Variants in ADGRL2 observed in about 807,000 individuals in gnomAD.
The protein encoded by ADGRL2 is adhesion G protein-coupled receptor L2.
Under a neutral mutation model 157.4 loss-of-function variants are expected in ADGRL2, and 44 were observed. The observed-to-expected ratio is 0.28, with a 90% CI of 0.22 to 0.36. ADGRL2 has a LOEUF of 0.36. Among genes scored for constraint, ADGRL2 ranks in the 10% least tolerant of loss-of-function variants. The pLI is 1.00. For synonymous variants in ADGRL2, 585 were observed against 624.7 expected, an observed-to-expected ratio of 0.94 and a Z score of 0.95; for missense variants, 1,510 against 1,768.9, an observed-to-expected ratio of 0.85 and a Z score of 2.63.
At chr1:81,423,584 A>G (rs1160037392) in intron 1 of ADGRL2, among the ~76,000 whole-genome samples, 2 of 152,192 alleles carry the variant, frequency 1.3e-5, no homozygotes, top group African/African-American at 4.8e-5. Flanking sequence ...ATCTAGCATA[A>G]TTATTTTACA....
At chr1:81,845,371 G>A (rs2092746041) in intron 2 of ADGRL2, among the ~76,000 whole-genome samples, 1 of 151,916 alleles carries the variant, frequency 6.6e-6, no homozygotes, top group South Asian at 2.1e-4. Context: ...CTATAATTCT[G>A]ATAATTGTAC....
At chr1:81,472,743 C>T (rs1571069209) in intron 2 of ADGRL2, among the ~76,000 whole-genome samples, 1 of 152,154 alleles carries the variant, frequency 6.6e-6, no homozygotes, top group African/African-American at 2.4e-5. Flanking sequence ...CCAAACCCTT[C>T]CCTAAATGAA....
intron 11 of ADGRL2, among the ~76,000 whole-genome samples, chr1:81,961,761 C>T (rs7414634): frequency 0.62 from 93,911 of 151,922 alleles, 29,376 homozygotes; most frequent in East Asian, 0.74. Flanking sequence ...CCGCCTGCCT[C>T]AGCCTCCCAA....
intron 1 of ADGRL2, among the ~76,000 whole-genome samples, chr1:81,345,194 C>T (rs1662391879): frequency 6.6e-6 from 1 of 152,176 alleles, no homozygotes; most frequent in South Asian, 2.1e-4. Flanking sequence ...CACATAGTAT[C>T]TTTCTTCATG....
chr1:81,502,845 C>T, intron 2 of ADGRL2: 3 of 1,612,744 alleles, frequency 1.9e-6, no homozygotes, highest in Middle Eastern at 2.0e-4. Flanking sequence ...AGGCCCCTGC[C>T]CTCCTCTCCC....
At chr1:81,572,397 T>C (rs567008289) in intron 2 of ADGRL2, among the ~76,000 whole-genome samples, 3 of 152,302 alleles carry the variant, frequency 2.0e-5, no homozygotes, top group African/African-American at 7.2e-5. Context: ...AAAGATACAA[T>C]GGAAAACAAA....
intron 2 of ADGRL2, among the ~76,000 whole-genome samples, chr1:81,479,757 T>G (rs772795234): frequency 1.3e-5 from 2 of 152,200 alleles, no homozygotes; most frequent in Non-Finnish European, 2.9e-5. Context: ...ATTTCCCATG[T>G]GATTTTACAT....
rs548454398 is a variant in ADGRL2, at chr1:81,374,607, G to A, written c.-302+68098G>A. Among the ~76,000 whole-genome samples the A allele has an allele frequency of 6.2e-5, 7 of 113,080 alleles. No homozygotes were observed. In the South Asian group the frequency reaches 2.3e-3, roughly 38 times the overall value. 74.2% of individuals were successfully genotyped at this position (113,080 alleles called of 152,430 possible). On this transcript the variant is annotated intron_variant, in intron 1 of 24. Coordinates refer to the ADGRL2 transcript ENST00000370721. ...AAAAAAACAAGTTGCCTTGCTAGGA[G>A]ACTAGTGAAATGAGTAGGGCAAGTC...
At chr1:81,394,361 C>G (rs901193973) in intron 1 of ADGRL2, among the ~76,000 whole-genome samples, 1 of 152,088 alleles carries the variant, frequency 6.6e-6, no homozygotes, top group Non-Finnish European at 1.5e-5. Context: ...GTCTATCCCC[C>G]CTCCTCCTGT....
chr1:81,728,271 C>CA (rs2084604735), intron 1 of ADGRL2, among the ~76,000 whole-genome samples: 1 of 152,154 alleles, frequency 6.6e-6, no homozygotes, highest in Admixed American at 6.5e-5. Context: ...CTGAATATCT[C>CA]AAAATCTTAA....
At chr1:81,982,397 T>C (rs79252497) in intron 19 of ADGRL2, among the ~76,000 whole-genome samples, 21 of 152,088 alleles carry the variant, frequency 1.4e-4, no homozygotes, top group African/African-American at 4.8e-4. Context: ...TAATGTTACC[T>C]TTTGAGTAAT....
intron 2 of ADGRL2, among the ~76,000 whole-genome samples, chr1:81,503,745 T>C (rs1296935060): frequency 3.3e-5 from 5 of 151,942 alleles, no homozygotes; most frequent in African/African-American, 1.2e-4. Context: ...TCCTCCAGGG[T>C]TCCCCAGCCA....
intron 1 of ADGRL2, among the ~76,000 whole-genome samples, chr1:81,737,418 T>C (rs2084939139): frequency 6.6e-6 from 1 of 152,184 alleles, no homozygotes; most frequent in East Asian, 1.9e-4. Flanking sequence ...AACCAGATCT[T>C]GTGAGAACTA....
At chr1:81,638,117 A>G (rs1043128438) in intron 3 of ADGRL2, among the ~76,000 whole-genome samples, 7 of 152,090 alleles carry the variant, frequency 4.6e-5, no homozygotes, top group Non-Finnish European at 7.4e-5. Flanking sequence ...AAGCAAGAAG[A>G]GAGTGGAATA....
intron 2 of ADGRL2, among the ~76,000 whole-genome samples, chr1:81,841,523 T>G (rs910353520): frequency 1.3e-4 from 20 of 152,198 alleles, no homozygotes; most frequent in African/African-American, 4.6e-4. Context: ...GTGGAATGAT[T>G]AGTAACTTTA....
chr1:81,948,831 AG>A (rs899269712), intron 6 of ADGRL2, among the ~76,000 whole-genome samples: 1 of 152,074 alleles, frequency 6.6e-6, no homozygotes, highest in Non-Finnish European at 1.5e-5. Context: ...CTTGAGGTAG[AG>A]GGGGGGAAAG....
chr1:81,335,356 A>G (rs1661559156), intron 1 of ADGRL2, among the ~76,000 whole-genome samples: 1 of 152,198 alleles, frequency 6.6e-6, no homozygotes, highest in Non-Finnish European at 1.5e-5. Context: ...ATATTGCCAG[A>G]GCTGTATCTT....
chr1:81,519,672 C>T (rs535621021), intron 2 of ADGRL2, among the ~76,000 whole-genome samples: 50 of 152,168 alleles, frequency 3.3e-4, no homozygotes, highest in Non-Finnish European at 6.0e-4. Flanking sequence ...CAAATGGCAT[C>T]TCTTTTGATT....
At chr1:81,589,866 A>G (rs1033414380) in intron 3 of ADGRL2, among the ~76,000 whole-genome samples, 13 of 152,196 alleles carry the variant, frequency 8.5e-5, no homozygotes, top group African/African-American at 3.1e-4. Flanking sequence ...CATGCCAATT[A>G]TACATTCAAG....
Sources: allele counts gnomAD v4.1 joint callset (sites outside exome capture counted in the v4.1 genomes callset), GRCh38; gene constraint gnomAD v4.1.1; transcripts MANE v1.5; gene names NCBI Gene and HGNC (gene_info 2026-07-23, HGNC 2026-07-21).